Variants in ARID1B observed in about 807,000 individuals in gnomAD.
ARID1B encodes the protein AT-rich interactive domain-containing protein 1B.
A neutral mutation model predicts 212.3 loss-of-function variants in ARID1B; 30 were observed. The ratio of observed to expected loss-of-function variants is 0.14; its 90% CI spans 0.11 to 0.19. ARID1B has a LOEUF of 0.19. Ranked by LOEUF, ARID1B falls within the 10% of genes least tolerant of loss-of-function variation. The probability of loss-of-function intolerance (pLI) is 1.00; values close to 1 mark genes in which losing one functional copy is unlikely to be tolerated. For synonymous variants in ARID1B, 1,402 were observed against 1,301.7 expected (o/e 1.08, Z -1.66); for missense variants, 2,891 against 3,204.0 (o/e 0.90, Z 2.36).
chr6:156,890,958 A>G (rs1787878737), intron 2 of ARID1B, among the ~76,000 whole-genome samples: 1 of 152,152 alleles, frequency 6.6e-6, no homozygotes, highest in African/African-American at 2.4e-5. Flanking sequence ...TTAAAATAAG[A>G]AAGAGGGGAG....
At chr6:156,901,835 A>T in intron 3 of ARID1B, 1 of 381,366 alleles carries the variant, frequency 2.6e-6, no homozygotes, top group Non-Finnish European at 4.7e-6. Flanking sequence ...GCACTCTGCC[A>T]CTTTGTTAAG....
At chr6:156,983,128 C>T (rs1474406796) in intron 4 of ARID1B, among the ~76,000 whole-genome samples, 3 of 151,392 alleles carry the variant, frequency 2.0e-5, no homozygotes. Flanking sequence ...AAAGGCCTGG[C>T]ACAGTGGCTC....
chr6:156,848,710 C>A (rs1210551884), intron 2 of ARID1B, among the ~76,000 whole-genome samples: 1 of 152,190 alleles, frequency 6.6e-6, no homozygotes. Context: ...CCAGCTGGCC[C>A]AAGGCCAGGC....
At chr6:156,992,327 G>A (rs1778319663) in intron 4 of ARID1B, among the ~76,000 whole-genome samples, 2 of 152,040 alleles carry the variant, frequency 1.3e-5, no homozygotes, top group Non-Finnish European at 2.9e-5. Flanking sequence ...AAGTTTCTGA[G>A]GTTCATGGGG....
intron 1 of ARID1B, among the ~76,000 whole-genome samples, chr6:156,791,226 G>T (rs1166893621): frequency 2.0e-5 from 3 of 152,208 alleles, no homozygotes; most frequent in African/African-American, 7.2e-5. Flanking sequence ...CCATATAAAT[G>T]TATTTTATGA....
chr6:157,156,741 G>T (rs1321942697), intron 8 of ARID1B, among the ~76,000 whole-genome samples: 1 of 152,174 alleles, frequency 6.6e-6, no homozygotes, highest in African/African-American at 2.4e-5. Context: ...TGGTGGTTCT[G>T]GTGTGGAAGC....
chr6:157,109,515 A>G (rs1375215063), intron 5 of ARID1B, among the ~76,000 whole-genome samples: 6 of 152,206 alleles, frequency 3.9e-5, no homozygotes, highest in African/African-American at 1.2e-4. Flanking sequence ...CACGAGAGCT[A>G]GTTAGTGCCT....
At chr6:156,966,381 CTTTTCTTTTTTTT>C (rs1288168301) in intron 4 of ARID1B, among the ~76,000 whole-genome samples, 22 of 89,442 alleles carry the variant, frequency 2.5e-4, no homozygotes, top group African/African-American at 8.0e-4. Context: ...CTTTTCTTTT[CTTTTCTTTTTTTT>C]TTTTTTTTTT....
intron 4 of ARID1B, among the ~76,000 whole-genome samples, chr6:157,048,803 C>G (rs1349325031): frequency 1.3e-5 from 2 of 152,154 alleles, no homozygotes; most frequent in African/African-American, 4.8e-5. Flanking sequence ...GTGATTTATT[C>G]GTTTGTGCAT....
intron 8 of ARID1B, among the ~76,000 whole-genome samples, chr6:157,156,536 A>T (rs1445113556): frequency 6.6e-6 from 1 of 152,230 alleles, no homozygotes; most frequent in African/African-American, 2.4e-5. Flanking sequence ...TTCTAAAAGG[A>T]TCAGAGATTT....
Position 156,852,292 on chromosome 6 carries a change from T to A in ARID1B, c.1986+22871T>A, listed in dbSNP as rs574132183. ...ACGAAACCTCCCTGTACAGAAAAAA[T>A]TTTTAAAATTAGCAGGGCGTGGTGA... On this transcript the variant is annotated intron_variant, in intron 2 of 19. Transcript: ENST00000636930. Among the ~76,000 whole-genome samples, 81 of 151,462 alleles carry A rather than the reference T, an allele frequency of 5.3e-4. No homozygotes were observed. In the Middle Eastern group the frequency reaches 0.014, roughly 25 times the overall value.
At chr6:156,910,431 T>C (rs1266489177) in intron 3 of ARID1B, among the ~76,000 whole-genome samples, 1 of 152,008 alleles carries the variant, frequency 6.6e-6, no homozygotes, top group African/African-American at 2.4e-5. Context: ...AACTGAGAGG[T>C]GTTGTCTTGT....
intron 5 of ARID1B, among the ~76,000 whole-genome samples, chr6:157,100,369 A>C (rs1053125341): frequency 6.6e-6 from 1 of 152,238 alleles, no homozygotes; most frequent in African/African-American, 2.4e-5. Flanking sequence ...CACTTCAGAT[A>C]AACTGTTAAC....
intron 2 of ARID1B, among the ~76,000 whole-genome samples, chr6:156,866,744 G>A (rs778249184): frequency 6.6e-6 from 1 of 152,108 alleles, no homozygotes; most frequent in African/African-American, 2.4e-5. Context: ...ATGTTAATAT[G>A]TTCATGGCTG....
rs537333603 is a variant in ARID1B, at chr6:156,999,050, G to T, written c.2247+63474G>T. 2.0e-5 allele frequency among the ~76,000 whole-genome samples: 3 copies of T among 152,310 alleles called. No individual in the cohort carries two copies. In the East Asian group the frequency reaches 5.8e-4, roughly 29 times the overall value. On this transcript the variant is annotated intron_variant, in intron 4 of 19. Coordinates refer to ENST00000636930, the MANE Select transcript of ARID1B (RefSeq NM_001374828.1). ...TTCAGTGGTGACTTTAGCTTCATGTGACATGTCCTCAAACCTTCTGGGCCA... is the reference window on the plus strand; with the variant it reads ...TTCAGTGGTGACTTTAGCTTCATGTTACATGTCCTCAAACCTTCTGGGCCA...
At chr6:157,039,878 T>A (rs1414922633) in intron 4 of ARID1B, among the ~76,000 whole-genome samples, 1 of 91,946 alleles carries the variant, frequency 1.1e-5, no homozygotes, top group Non-Finnish European at 2.1e-5. Context: ...TTCTCTTTCT[T>A]TTCTCTTCCT....
intron 4 of ARID1B, among the ~76,000 whole-genome samples, chr6:156,978,240 A>T (rs1777385485): frequency 6.6e-6 from 1 of 152,094 alleles, no homozygotes; most frequent in Non-Finnish European, 1.5e-5. Flanking sequence ...TGCTCCCAGC[A>T]CCTTGGCCTG....
Position 156,778,268 on chromosome 6 carries a change from CCAGCAGCAGCAGCAGCAGCAGCAA to C in ARID1B, c.618_641del (p.Gln207_Gln214del), listed in dbSNP as rs770869529. The C allele has an allele frequency of 1.9e-4, 287 of 1,536,686 alleles. No individual in the cohort carries two copies. Among genetic ancestry groups the C allele is most frequent in the Middle Eastern group, 3.4e-4 (2 of 5,892 alleles). On this transcript the variant is annotated inframe_deletion, in exon 1 of 20. Coordinates refer to ENST00000636930, the MANE Select transcript of ARID1B (RefSeq NM_001374828.1). ...CACTACAGCAGCAGCTAAACCAGTT[CCAGCAGCAGCAGCAGCAGCAGCAA>C]CAGCAGCAGCAGCAGCAGCAGCAAC...
chr6:157,065,606 T>G (rs1291577725), intron 4 of ARID1B, among the ~76,000 whole-genome samples: 1 of 152,214 alleles, frequency 6.6e-6, no homozygotes, highest in East Asian at 1.9e-4. Flanking sequence ...ATTGTGGTAG[T>G]GGGATCAGGG....
Sources: allele counts gnomAD v4.1 joint callset (sites outside exome capture counted in the v4.1 genomes callset), GRCh38; gene constraint gnomAD v4.1.1; transcripts MANE v1.5; gene names NCBI Gene and HGNC (gene_info 2026-07-23, HGNC 2026-07-21).